The following CHL1 variants were observed in gnomAD, a reference collection of about 807,000 sequenced individuals.
The protein encoded by CHL1 is neural cell adhesion molecule L1-like protein.
Under a neutral mutation model 141.9 loss-of-function variants are expected in CHL1, and 96 were observed. The ratio of observed to expected loss-of-function variants is 0.68; its 90% CI spans 0.57 to 0.80. CHL1 has a LOEUF of 0.80. CHL1 is among the 30% of genes least tolerant of loss of function. The probability of loss-of-function intolerance (pLI) is 0.00; values close to 1 mark genes in which losing one functional copy is unlikely to be tolerated. For synonymous variants in CHL1, 613 were observed against 502.2 expected (o/e 1.22, Z -2.95); for missense variants, 1,820 against 1,457.2 (o/e 1.25, Z -4.05).
chr3:213,872 A>T (rs1700091508), intron 1 of CHL1, among the ~76,000 whole-genome samples: 1 of 152,192 alleles, frequency 6.6e-6, no homozygotes, highest in Non-Finnish European at 1.5e-5. Context: ...ATAATCTAGT[A>T]CCATTTGAAA....
chr3:305,119 G>GATAT (rs1699112964), intron 2 of CHL1, among the ~76,000 whole-genome samples: 1 of 152,118 alleles, frequency 6.6e-6, no homozygotes, highest in African/African-American at 2.4e-5. Flanking sequence ...TTGTGCTAAT[G>GATAT]ATATGTTAGT....
rs376677696 is a variant in CHL1, at chr3:242,407, T to G, written c.-174-2206T>G. The stretch of plus-strand genomic sequence containing the variant: ...GTCAGGAGATCGAGACCATCCTGGC[T>G]AACACGGTGAAACCCCGTCTCTACT... On this transcript the variant is annotated intron_variant, in intron 1 of 27. Transcript: ENST00000256509. 1.2e-4 allele frequency among the ~76,000 whole-genome samples: 17 copies of G among 139,642 alleles called. 1 individual carries two copies. In the South Asian group the frequency reaches 3.0e-3, roughly 24 times the overall value. The allele number at this position is 139,642 out of a possible 152,430, so 91.6% of individuals were successfully genotyped here.
At chr3:222,651 T>G (rs1245561866) in intron 1 of CHL1, among the ~76,000 whole-genome samples, 1 of 152,192 alleles carries the variant, frequency 6.6e-6, no homozygotes, top group Non-Finnish European at 1.5e-5. Context: ...AGGCACTATT[T>G]TGTAGAAAGG....
intron 1 of CHL1, among the ~76,000 whole-genome samples, chr3:200,773 C>G (rs1016084545): frequency 2.0e-5 from 3 of 152,170 alleles, no homozygotes; most frequent in Admixed American, 6.5e-5. Flanking sequence ...TGATCACATG[C>G]CTTTCCTCTC....
intron 1 of CHL1, among the ~76,000 whole-genome samples, chr3:198,440 G>T (rs1373108438): frequency 2.0e-5 from 3 of 152,156 alleles, no homozygotes; most frequent in African/African-American, 7.2e-5. Context: ...CTCGCTCTAG[G>T]CGGAGGCTCC....
At chr3:379,453 A>C (rs1706752768) in intron 16 of CHL1, among the ~76,000 whole-genome samples, 1 of 152,108 alleles carries the variant, frequency 6.6e-6, no homozygotes, top group African/African-American at 2.4e-5. Context: ...TTCAACAATA[A>C]TTCATCAGAT....
intron 19 of CHL1, among the ~76,000 whole-genome samples, chr3:386,288 A>G (rs1216400221): frequency 1.3e-5 from 2 of 152,060 alleles, no homozygotes; most frequent in Admixed American, 1.3e-4. Flanking sequence ...GGACATCCCT[A>G]ATTTTTGTTT....
At chr3:328,446 T>TTA (rs1701178736) in intron 5 of CHL1, 92 bp downstream of exon 5, 2 of 1,082,950 alleles carry the variant, frequency 1.8e-6, no homozygotes, top group East Asian at 5.1e-5. Context: ...AAAGCAGTTA[T>TTA]TAACTAAATC....
chr3:325,506 A>G (rs1700934375), intron 3 of CHL1, among the ~76,000 whole-genome samples: 1 of 152,088 alleles, frequency 6.6e-6, no homozygotes, highest in African/African-American at 2.4e-5. Flanking sequence ...ATTAAAAATT[A>G]TAGCATATCA....
At chr3:240,628 G>C (rs1366375009) in intron 1 of CHL1, among the ~76,000 whole-genome samples, 1 of 152,102 alleles carries the variant, frequency 6.6e-6, no homozygotes, top group Non-Finnish European at 1.5e-5. Context: ...CTTTGTTTTT[G>C]TTGCATTTGC....
intron 2 of CHL1, among the ~76,000 whole-genome samples, chr3:263,537 C>G (rs1447131089): frequency 6.6e-6 from 1 of 152,208 alleles, no homozygotes; most frequent in Non-Finnish European, 1.5e-5. Flanking sequence ...AGATGTGGTG[C>G]ATAAGACATC....
intron 2 of CHL1, among the ~76,000 whole-genome samples, chr3:270,880 C>T (rs369015894): frequency 1.3e-5 from 2 of 152,206 alleles, no homozygotes; most frequent in African/African-American, 4.8e-5. Flanking sequence ...GTGACCTCTC[C>T]ATCACAGCAG....
intron 23 of CHL1, among the ~76,000 whole-genome samples, chr3:392,539 G>T (rs575278989): frequency 6.6e-6 from 1 of 152,238 alleles, no homozygotes; most frequent in South Asian, 2.1e-4. Flanking sequence ...TCAAGTTTAA[G>T]CATCATCTCA....
At chr3:341,792 G>T (rs1403091155) in intron 6 of CHL1, 120 bp from the exon 7 acceptor site, 8 of 813,442 alleles carry the variant, frequency 9.8e-6, no homozygotes, top group Non-Finnish European at 1.5e-5. Context: ...AGACTTGAGA[G>T]GAATTAAAGA....
chr3:222,438 G>C (rs1365629852), intron 1 of CHL1, among the ~76,000 whole-genome samples: 1 of 152,180 alleles, frequency 6.6e-6, no homozygotes, highest in African/African-American at 2.4e-5. Flanking sequence ...TATGCATGTG[G>C]AGAATCACAG....
chr3:300,898 C>T (rs1157750960), intron 2 of CHL1, among the ~76,000 whole-genome samples: 5 of 152,104 alleles, frequency 3.3e-5, no homozygotes, highest in East Asian at 1.9e-4. Context: ...GTAAAGGATT[C>T]TCCAGACTGA....
chr3:212,338 A>G (rs1380697618), intron 1 of CHL1, among the ~76,000 whole-genome samples: 1 of 152,112 alleles, frequency 6.6e-6, no homozygotes, highest in Admixed American at 6.5e-5. Context: ...TGCTTTAGCC[A>G]TTTACCATTT....
chr3:393,939 A>G (rs1239327542), intron 23 of CHL1, among the ~76,000 whole-genome samples: 1 of 152,170 alleles, frequency 6.6e-6, no homozygotes, highest in Non-Finnish European at 1.5e-5. Context: ...TTGGACTGGG[A>G]GTCAAGAGGA....
chr3:249,329 A>C (rs1428881488), intron 2 of CHL1, among the ~76,000 whole-genome samples: 2 of 152,192 alleles, frequency 1.3e-5, no homozygotes, highest in African/African-American at 4.8e-5. Context: ...AGCCTCATGC[A>C]CAAAGATCAA....
Sources: allele counts gnomAD v4.1 joint callset (sites outside exome capture counted in the v4.1 genomes callset), GRCh38; gene constraint gnomAD v4.1.1; transcripts MANE v1.5; gene names NCBI Gene and HGNC (gene_info 2026-07-23, HGNC 2026-07-21).